Variants in INTU observed in about 807,000 individuals in gnomAD.
The protein encoded by INTU is protein inturned.
In INTU, 68 loss-of-function variants were observed where a neutral mutation model predicts 100.5. That is an observed-to-expected ratio of 0.68 (90% CI 0.56 to 0.83). The LOEUF (loss-of-function observed/expected upper bound fraction) is 0.83. Ranked by LOEUF, INTU falls within the 40% of genes least tolerant of loss-of-function variation. The probability of loss-of-function intolerance (pLI) is 0.00; values close to 1 mark genes in which losing one functional copy is unlikely to be tolerated. For synonymous variants in INTU, 357 were observed against 395.7 expected, an observed-to-expected ratio of 0.90 and a Z score of 1.16; for missense variants, 1,071 against 1,114.7, an observed-to-expected ratio of 0.96 and a Z score of 0.56.
chr4:127,694,452 T>A (rs1730293359), intron 8 of INTU, among the ~76,000 whole-genome samples: 1 of 152,164 alleles, frequency 6.6e-6, no homozygotes, highest in African/African-American at 2.4e-5. Flanking sequence ...TATTTGGATC[T>A]TCTCTCTTTT....
At chr4:127,715,915 C>A (rs1021280437) in intron 15 of INTU, among the ~76,000 whole-genome samples, 2 of 152,042 alleles carry the variant, frequency 1.3e-5, no homozygotes, top group Non-Finnish European at 2.9e-5. Flanking sequence ...AATTCCAATT[C>A]AGTTCTATTT....
In INTU at chr4:127,663,501, G is replaced by A. The variant is rs753900288; in HGVS notation, c.889G>A (p.Gly297Ser). 2 of 1,613,548 alleles carry A rather than the reference G, an allele frequency of 1.2e-6. No homozygotes were observed. The highest frequency in any genetic ancestry group is 1.1e-5 in the South Asian group (1 of 91,052). ...VKLLWGEEVE[G>S]IQQSGLNTPH... ...GCTTCTCTGGGGAGAAGAGGTTGAA[G>A]GTATCCAGCAGAGTGGCCTAAACAC... The change falls in exon 4 of 16, where the codon GGT (glycine) becomes AGT (serine). Residue 297 changes from glycine (G) to serine (S), a missense_variant. By Grantham distance (56) the Gly-to-Ser change is moderately conservative. Coordinates refer to ENST00000335251, the MANE Select transcript of INTU (RefSeq NM_015693.4).
chr4:127,645,725 T>A (rs1239091916), intron 2 of INTU, among the ~76,000 whole-genome samples: 1 of 151,896 alleles, frequency 6.6e-6, no homozygotes, highest in African/African-American at 2.4e-5. Flanking sequence ...CATGCCTGAC[T>A]AATTTTTTTG....
intron 2 of INTU, among the ~76,000 whole-genome samples, chr4:127,644,388 T>C (rs557042492): frequency 1.6e-4 from 24 of 152,230 alleles, no homozygotes; most frequent in Non-Finnish European, 3.4e-4. Context: ...AGTGATAATT[T>C]AGGTTTGAAT....
chr4:127,683,014 C>T (rs1425251147), intron 6 of INTU, among the ~76,000 whole-genome samples: 1 of 152,100 alleles, frequency 6.6e-6, no homozygotes, highest in Non-Finnish European at 1.5e-5. Context: ...CTGATGACAC[C>T]AGCCGAATCA....
chr4:127,635,870 G>T (rs1216480082), intron 1 of INTU, among the ~76,000 whole-genome samples: 2 of 152,106 alleles, frequency 1.3e-5, no homozygotes, highest in Non-Finnish European at 2.9e-5. Flanking sequence ...AGTTTCTAAA[G>T]TTTCATAAAG....
In INTU at chr4:127,695,358, C is replaced by T. The variant is rs868218562; in HGVS notation, c.1450-4652C>T. 8.5e-5 allele frequency among the ~76,000 whole-genome samples: 13 copies of T among 152,098 alleles called. No individual in the cohort carries two copies. The South Asian group carries it at 1.9e-3, about 22-fold the overall frequency. On this transcript the variant is annotated intron_variant, in intron 8 of 15. Transcript: ENST00000335251. Reference sequence around the variant, plus strand: ...CAGTGGCTTATGCCTGTAATCCCAGCGCTTTGGGAGGCTGAGATGGGTGGA... The same window carrying T: ...CAGTGGCTTATGCCTGTAATCCCAGTGCTTTGGGAGGCTGAGATGGGTGGA...
In INTU at chr4:127,726,402, A is replaced by G. The variant is rs1422646754; in HGVS notation, c.*9966A>G. On this transcript the variant is annotated 3_prime_UTR_variant, in exon 16 of 16. Transcript: ENST00000335251. ...CTAAACAGTGCCTGGCACATATTAC[A>G]TGCTATAAAAGTGTTAGCTACTACT... 6.6e-6 allele frequency: 1 copy of G among 152,220 alleles called. No individual in the cohort carries two copies. The highest frequency in any genetic ancestry group is 1.5e-5 in the Non-Finnish European group (1 of 68,044). 9.4% of individuals were successfully genotyped at this position (152,220 alleles called of 1,614,324 possible).
intron 3 of INTU, among the ~76,000 whole-genome samples, chr4:127,660,038 G>A (rs1198704815): frequency 6.6e-6 from 1 of 152,096 alleles, no homozygotes; most frequent in East Asian, 1.9e-4. Context: ...GGACTTACAT[G>A]CAAATCAAAT....
At chr4:127,686,820 A>G (rs1291758030) in intron 7 of INTU, 1 of 152,226 alleles carries the variant, frequency 6.6e-6, no homozygotes, top group East Asian at 1.9e-4. Context: ...TACCTCCAGC[A>G]ATGAGAATAG....
At chr4:127,636,374 GCCGAGGCGGGCAGAT>G (rs1411861831) in intron 1 of INTU, among the ~76,000 whole-genome samples, 2 of 152,048 alleles carry the variant, frequency 1.3e-5, no homozygotes, top group Admixed American at 1.3e-4. Flanking sequence ...ACTTTGGAAG[GCCGAGGCGGGCAGAT>G]CACCTGAGGT....
intron 9 of INTU, among the ~76,000 whole-genome samples, chr4:127,701,251 A>G (rs1730635479): frequency 1.3e-5 from 2 of 152,154 alleles, no homozygotes; most frequent in South Asian, 4.1e-4. Context: ...ATACTGCAGG[A>G]CACTTTCTTC....
At chr4:127,677,318 T>C (rs948478069) in intron 6 of INTU, among the ~76,000 whole-genome samples, 1 of 151,758 alleles carries the variant, frequency 6.6e-6, no homozygotes, top group East Asian at 1.9e-4. Flanking sequence ...CCCTGACCCC[T>C]GACCCCCGAG....
chr4:127,707,825 C>T (rs1374145571), intron 12 of INTU, among the ~76,000 whole-genome samples: 1 of 152,152 alleles, frequency 6.6e-6, no homozygotes, highest in Admixed American at 6.5e-5. Context: ...ATTATCAAAA[C>T]ATTCACCCTG....
intron 2 of INTU, among the ~76,000 whole-genome samples, chr4:127,654,799 A>G (rs1728097988): frequency 1.4e-5 from 2 of 146,174 alleles, no homozygotes; most frequent in South Asian, 4.6e-4. Flanking sequence ...GTTCTCCTGG[A>G]TAATATCCTG....
intron 3 of INTU, among the ~76,000 whole-genome samples, chr4:127,657,484 G>T (rs1374778144): frequency 6.6e-6 from 1 of 152,076 alleles, no homozygotes; most frequent in Non-Finnish European, 1.5e-5. Flanking sequence ...CGGACTGGTA[G>T]TGGTTCGTGG....
chr4:127,669,622 A>G (rs1217168628), intron 5 of INTU, among the ~76,000 whole-genome samples: 2 of 151,888 alleles, frequency 1.3e-5, no homozygotes, highest in Admixed American at 1.3e-4. Context: ...TTGGTCATAT[A>G]GTTAGGACAT....
At position 127,706,778 on chromosome 4, in the gene INTU, A is replaced by G; in HGVS notation, c.2080A>G (p.Arg694Gly). Residue 694 changes from arginine (R) to glycine (G), a missense_variant, in exon 12 of 16, where the codon AGA becomes GGA. Transcript: ENST00000335251. ...AGTAGCAACTTCTCCAACATGCAGA[A>G]GAACGCTTTTTGGTGACTATTCCTT... ...SKVATSPTCRRTLFGDYSLKT... is the reference protein window; with the variant it reads ...SKVATSPTCRGTLFGDYSLKT... 1 of 1,614,146 alleles carries G rather than the reference A, an allele frequency of 6.2e-7. No homozygotes were observed. Among genetic ancestry groups the G allele is most frequent in the Admixed American group, 1.7e-5 (1 of 59,994 alleles).
intron 2 of INTU, among the ~76,000 whole-genome samples, chr4:127,646,552 G>A (rs1727597800): frequency 6.6e-6 from 1 of 152,174 alleles, no homozygotes; most frequent in Non-Finnish European, 1.5e-5. Flanking sequence ...TTAAGGGACT[G>A]CAAAATGGTG....
Sources: gnomAD v4.1 joint callset for allele counts (sites outside exome capture counted in the v4.1 genomes callset) on GRCh38, gnomAD v4.1.1 for gene constraint, MANE v1.5 for transcripts, NCBI Gene and HGNC (gene_info 2026-07-23, HGNC 2026-07-21) for gene names.